Variants in OVCH1 observed in about 807,000 individuals in gnomAD.
OVCH1 encodes ovochymase-1.
Under a neutral mutation model 138.4 loss-of-function variants are expected in OVCH1, and 139 were observed. The ratio of observed to expected loss-of-function variants is 1.00; its 90% CI spans 0.87 to 1.16. OVCH1 has a LOEUF of 1.16. Among genes scored for constraint, OVCH1 ranks in the 50% most tolerant of loss-of-function variants. The pLI is 0.00. For missense variants in OVCH1, 1,367 were observed against 1,357.9 expected, an observed-to-expected ratio of 1.01 and a Z score of -0.11; for synonymous variants, 453 against 467.8, an observed-to-expected ratio of 0.97 and a Z score of 0.41.
chr12:29,433,768 C>T, exon 27 of OVCH1: 1 of 1,421,470 alleles, frequency 7.0e-7, no homozygotes, highest in Admixed American at 2.3e-5. Flanking sequence ...AAATTTGATG[C>T]AAATTTCTTC....
intron 25 of OVCH1, among the ~76,000 whole-genome samples, chr12:29,441,573 T>G (rs1210534416): frequency 1.3e-5 from 2 of 152,168 alleles, no homozygotes; most frequent in Non-Finnish European, 2.9e-5. Flanking sequence ...AAGGACTTCA[T>G]GTCTAAAACA....
chr12:29,497,029 G>A (rs1010366522), intron 1 of OVCH1, among the ~76,000 whole-genome samples: 1 of 152,162 alleles, frequency 6.6e-6, no homozygotes, highest in Non-Finnish European at 1.5e-5. Flanking sequence ...CCAGCACTTT[G>A]GGAGGCCCAG....
At chr12:29,486,844 A>T in intron 7 of OVCH1, 1 of 446,004 alleles carries the variant, frequency 2.2e-6, no homozygotes, top group Non-Finnish European at 4.5e-6. Flanking sequence ...TACCATTTAC[A>T]TTTGTTCAGG....
intron 18 of OVCH1, among the ~76,000 whole-genome samples, chr12:29,463,088 G>A (rs1358040646): frequency 6.6e-6 from 1 of 152,192 alleles, no homozygotes; most frequent in Non-Finnish European, 1.5e-5. Flanking sequence ...GGTAAGCCAA[G>A]AAATATTTAC....
intron 22 of OVCH1, among the ~76,000 whole-genome samples, chr12:29,450,429 TA>T (rs373572520): frequency 1.8e-4 from 27 of 152,300 alleles, no homozygotes; most frequent in African/African-American, 6.5e-4. Flanking sequence ...TCAACATCGC[TA>T]GTCATTAGAG....
At chr12:29,436,449 A>T (rs1941361408) in intron 26 of OVCH1, among the ~76,000 whole-genome samples, 1 of 152,226 alleles carries the variant, frequency 6.6e-6, no homozygotes, top group Admixed American at 6.5e-5. Flanking sequence ...CATTTGTTTT[A>T]AAAAGGCCAA....
intron 27 of OVCH1, among the ~76,000 whole-genome samples, chr12:29,432,267 T>C (rs1377289060): frequency 6.6e-6 from 1 of 152,210 alleles, no homozygotes; most frequent in African/African-American, 2.4e-5. Flanking sequence ...TTTAAAATGA[T>C]CACTTTGGCT....
chr12:29,410,010 T>C (rs2135865185), downstream of OVCH1, among the ~76,000 whole-genome samples: 1 of 152,316 alleles, frequency 6.6e-6, no homozygotes, highest in South Asian at 2.1e-4. Flanking sequence ...GGTGCGTATA[T>C]ATTTAGGGCA....
At chr12:29,491,307 G>T in intron 4 of OVCH1, 115 bp from the exon 5 acceptor site, 1 of 873,998 alleles carries the variant, frequency 1.1e-6, no homozygotes, top group South Asian at 1.8e-5. Flanking sequence ...AAATGTAATG[G>T]TGACATATTT....
chr12:29,437,966 T>C (rs1462069100), intron 26 of OVCH1, among the ~76,000 whole-genome samples: 1 of 152,198 alleles, frequency 6.6e-6, no homozygotes, highest in African/African-American at 2.4e-5. Context: ...CTGTAAACAC[T>C]TCTTATATTA....
intron 19 of OVCH1, 75 bp downstream of exon 19, chr12:29,461,779 G>A (rs1445282665): frequency 1.3e-6 from 2 of 1,573,204 alleles, no homozygotes; most frequent in East Asian, 2.2e-5. Flanking sequence ...TTCAGCAATG[G>A]TTTCTCCTGT....
At chr12:29,435,027 AG>A (rs1190186391) in intron 26 of OVCH1, among the ~76,000 whole-genome samples, 1 of 152,222 alleles carries the variant, frequency 6.6e-6, no homozygotes, top group Non-Finnish European at 1.5e-5. Context: ...GGAACTAAAA[AG>A]TTATTGCTGT....
At chr12:29,412,996 T>A (rs76631523) in intron 3 of OVCH1, among the ~76,000 whole-genome samples, 4,391 of 151,386 alleles carry the variant, frequency 0.029, 201 homozygotes, top group African/African-American at 0.096. Flanking sequence ...ATAATACTAC[T>A]GGCATGCACT....
chr12:29,491,644 C>T (rs1943275700), intron 4 of OVCH1, among the ~76,000 whole-genome samples: 1 of 152,132 alleles, frequency 6.6e-6, no homozygotes, highest in Non-Finnish European at 1.5e-5. Flanking sequence ...TGGGAAGAGA[C>T]TGTAATTCAA....
At chr12:29,442,705 C>G (rs974241547) in intron 25 of OVCH1, among the ~76,000 whole-genome samples, 2 of 151,760 alleles carry the variant, frequency 1.3e-5, no homozygotes, top group Non-Finnish European at 1.5e-5. Flanking sequence ...TTTAATAATC[C>G]TTTTCCTCTC....
downstream of OVCH1, among the ~76,000 whole-genome samples, chr12:29,412,252 C>T (rs557702075): frequency 0.023 from 3,426 of 152,216 alleles, 113 homozygotes; most frequent in African/African-American, 0.077. Context: ...TGACTCCTTG[C>T]ACTTCCCGAG....
chr12:29,490,480 G>A (rs1943244736), intron 5 of OVCH1, among the ~76,000 whole-genome samples: 1 of 152,150 alleles, frequency 6.6e-6, no homozygotes, highest in African/African-American at 2.4e-5. Context: ...ACAAAGTGAT[G>A]TTTTAATATA....
downstream of OVCH1, among the ~76,000 whole-genome samples, chr12:29,411,005 T>TC (rs1940947578): frequency 6.6e-6 from 1 of 150,858 alleles, no homozygotes; most frequent in Non-Finnish European, 1.5e-5. Flanking sequence ...AGGCTTAGTT[T>TC]TTTTTATTCT....
rs1942704591 is a variant in OVCH1 at position 29,476,163 on chromosome 12, A to G, written c.1471+43T>C. 2.0e-6 allele frequency: 3 copies of G among 1,514,254 alleles called. No homozygotes were observed. In the African/African-American group the frequency reaches 4.1e-5, roughly 21 times the overall value. The allele number at this position is 1,514,254 out of a possible 1,614,324, so 93.8% of individuals were successfully genotyped here. A position where few individuals can be genotyped will look rare whatever the true frequency, so the allele number is the denominator to read the frequency against. ...GCCAGCCCATGTTGCCACTACTCTG[A>G]TTCGTCTAACACTTTCATATTTAAA... On this transcript the variant is annotated intron_variant, in intron 13 of 27. Transcript: ENST00000318184.
Sources: gnomAD v4.1 joint callset for allele counts (sites outside exome capture counted in the v4.1 genomes callset) on GRCh38, gnomAD v4.1.1 for gene constraint, MANE v1.5 for transcripts, NCBI Gene and HGNC (gene_info 2026-07-23, HGNC 2026-07-21) for gene names.